The following NECTIN2 variants were observed in gnomAD, a reference collection of about 807,000 sequenced individuals.
The protein encoded by NECTIN2 is nectin-2.
In NECTIN2, 23 loss-of-function variants were observed where a neutral mutation model predicts 56.9. The observed-to-expected ratio is 0.40, with a 90% CI of 0.29 to 0.57. The LOEUF (loss-of-function observed/expected upper bound fraction) is 0.57, where lower values mean the gene tolerates loss of function less well. NECTIN2 is among the 20% of genes least tolerant of loss of function. The pLI, the probability that NECTIN2 is intolerant of heterozygous loss-of-function variation, is 0.38. For missense variants in NECTIN2, 587 were observed against 718.3 expected (o/e 0.82, Z 2.09); for synonymous variants, 302 against 313.8 (o/e 0.96, Z 0.40).
intron 6 of NECTIN2, among the ~76,000 whole-genome samples, chr19:44,884,260 C>T (rs374022782): frequency 5.3e-5 from 8 of 152,172 alleles, no homozygotes; most frequent in African/African-American, 1.7e-4. Flanking sequence ...CTCCTGAGCT[C>T]AACCAATCTT....
chr19:44,882,301 G>A lies in NECTIN2; in HGVS notation c.1133G>A (p.Gly378Asp). The A allele has an allele frequency of 1.3e-6, 2 of 1,560,034 alleles. No homozygotes were observed. Among genetic ancestry groups the A allele is most frequent in the South Asian group, 1.2e-5 (1 of 84,450 alleles). Residue 378 changes from glycine (G) to aspartate (D), a missense_variant, in exon 6 of 9, where the codon GGC becomes GAC. Coordinates refer to ENST00000252483, the MANE Select transcript of NECTIN2 (RefSeq NM_001042724.2). ...AIIATAVAAT[G>D]ILICRQQRKE... ...ATTGCTACTGCTGTGGCTGCCACGG[G>A]CATCCTTATCTGCCGGCAGCAGCGG...
At chr19:44,851,877 A>G (rs1968903056) in intron 1 of NECTIN2, among the ~76,000 whole-genome samples, 1 of 152,098 alleles carries the variant, frequency 6.6e-6, no homozygotes, top group Non-Finnish European at 1.5e-5. Flanking sequence ...TCCACCTGAC[A>G]TGCAGAGCGT....
intron 5 of NECTIN2, chr19:44,878,149 A>C (rs1599924604): frequency 1.3e-4 from 68 of 522,616 alleles, no homozygotes; most frequent in South Asian, 2.9e-4. Context: ...CCACCCCCTC[A>C]CTCCCCAGAG....
rs1244664430 is a variant in NECTIN2 at position 44,875,869 on chromosome 19, A to T, written c.1042+1391A>T. 6.6e-6 allele frequency among the ~76,000 whole-genome samples: 1 copy of T among 152,220 alleles called. No individual in the cohort carries two copies. The highest frequency in any genetic ancestry group is 1.5e-5 in the Non-Finnish European group (1 of 68,036). On this transcript the variant is annotated intron_variant, in intron 5 of 8. Transcript: ENST00000252483. The surrounding 1 kb of genome is among the most constrained non-coding windows in gnomAD (Gnocchi z 4.2). ...CCCTACGGGAAACACTGTCACAGAC[A>T]GCAAACCCAGAGAGACAGCTGTCCC...
intron 2 of NECTIN2, among the ~76,000 whole-genome samples, chr19:44,870,331 T>C (rs894730392): frequency 4.6e-5 from 7 of 151,966 alleles, no homozygotes; most frequent in African/African-American, 1.5e-4. Context: ...TGGGGAGGCT[T>C]GTTGGATGCT....
At chr19:44,863,041 A>G (rs1010022299) in intron 1 of NECTIN2, among the ~76,000 whole-genome samples, 1 of 150,938 alleles carries the variant, frequency 6.6e-6, no homozygotes, top group Non-Finnish European at 1.5e-5. Context: ...GTGCGCCTGT[A>G]ATCCCAGCTA....
At position 44,865,074 on chromosome 19, in the gene NECTIN2, T is replaced by C. The variant is rs1413148974; in HGVS notation, c.89-197T>C. 6.6e-6 allele frequency among the ~76,000 whole-genome samples: 1 copy of C among 152,164 alleles called. No individual in the cohort carries two copies. The highest frequency in any genetic ancestry group is 1.5e-5 in the Non-Finnish European group (1 of 68,024). The stretch of plus-strand genomic sequence containing the variant: ...GAACTCATAGTACACGTTATAGTTG[T>C]ATAATAGAATAGTCATTTTAGTCTT... On this transcript the variant is annotated intron_variant, in intron 1 of 8. Coordinates refer to ENST00000252483, the MANE Select transcript of NECTIN2 (RefSeq NM_001042724.2). This position sits in a 1 kb window ranked among gnomAD's most constrained non-coding sequence, Gnocchi z 5.2.
rs1051039179 is a variant in NECTIN2 at position 44,874,254 on chromosome 19, G to C, written c.894-76G>C. 2 of 1,533,286 alleles carry C rather than the reference G, an allele frequency of 1.3e-6. No individual in the cohort carries two copies. Among genetic ancestry groups the C allele is most frequent in the African/African-American group, 1.4e-5 (1 of 73,092 alleles). The allele number at this position is 1,533,286 out of a possible 1,614,324, so 95.0% of individuals were successfully genotyped here. A position where few individuals can be genotyped will look rare whatever the true frequency, so the allele number is the denominator to read the frequency against. ...GTCCCTGGAGCTTGGCTCCTGGTGG[G>C]TGTATCTTTAGGGATGAGGCCTGTG... On this transcript the variant is annotated intron_variant, in intron 4 of 8. Transcript: ENST00000252483. The surrounding 1 kb of genome is among the most constrained non-coding windows in gnomAD (Gnocchi z 6.3).
intron 5 of NECTIN2, 36 bp from the exon 6 acceptor site, chr19:44,882,174 TC>T: frequency 7.3e-7 from 1 of 1,377,334 alleles, no homozygotes; most frequent in Non-Finnish European, 9.5e-7. Flanking sequence ...TGTGGCTTCC[TC>T]CTGGAGACCC....
At chr19:44,853,244 T>G (rs1232982380) in intron 1 of NECTIN2, among the ~76,000 whole-genome samples, 1 of 152,138 alleles carries the variant, frequency 6.6e-6, no homozygotes, top group Non-Finnish European at 1.5e-5. Flanking sequence ...TCCCCCCAGC[T>G]GGAGTGCAGT....
intron 5 of NECTIN2, among the ~76,000 whole-genome samples, chr19:44,880,537 G>A (rs1439381021): frequency 7.3e-6 from 1 of 136,842 alleles, no homozygotes; most frequent in African/African-American, 2.8e-5. Context: ...ACCCAGGCTG[G>A]AGTGCAGTGG....
intron 5 of NECTIN2, among the ~76,000 whole-genome samples, chr19:44,880,476 T>A (rs1042909856): frequency 1.2e-4 from 8 of 64,692 alleles, no homozygotes; most frequent in Non-Finnish European, 2.3e-4. Flanking sequence ...CTGTCTTGCC[T>A]TTTTTTTTTT....
chr19:44,885,679 T>TACAA (rs1411152734), intron 6 of NECTIN2, among the ~76,000 whole-genome samples: 1 of 152,122 alleles, frequency 6.6e-6, no homozygotes, highest in African/African-American at 2.4e-5. Context: ...ACATTTCAAG[T>TACAA]ACAAATTCAG....
intron 1 of NECTIN2, among the ~76,000 whole-genome samples, chr19:44,859,138 A>T (rs1969003355): frequency 6.6e-6 from 1 of 152,138 alleles, no homozygotes; most frequent in Non-Finnish European, 1.5e-5. Flanking sequence ...TCCATGGCCC[A>T]TCTCCATCAG....
intron 5 of NECTIN2, chr19:44,878,453 C>T (rs1421745522): frequency 6.2e-7 from 1 of 1,605,750 alleles, no homozygotes; most frequent in South Asian, 1.1e-5. Flanking sequence ...CTTCTGGACA[C>T]CAGTAGTCCC....
In NECTIN2 at chr19:44,885,958, C is replaced by T. The variant is rs1969356225; in HGVS notation, c.1218C>T (p.Tyr406=). The T allele has an allele frequency of 6.3e-7, 1 of 1,598,660 alleles. No homozygotes were observed. Among genetic ancestry groups the T allele is most frequent in the Non-Finnish European group, 8.6e-7 (1 of 1,166,058 alleles). The change falls in exon 7 of 9, where the codon TAC becomes TAT. Residue 406 remains tyrosine (Y), a synonymous_variant. Coordinates refer to ENST00000252483, the MANE Select transcript of NECTIN2 (RefSeq NM_001042724.2). ...ACAGCCTGGAGGGACCTCCCTCCTA[C>T]AAGCCACCGACCCCAAAAGCGAAGC... The part of the protein sequence containing the change: ...EDEDLEGPPS[Y]KPPTPKAKLE...
intron 1 of NECTIN2, among the ~76,000 whole-genome samples, chr19:44,850,148 G>C (rs187117194): frequency 3.5e-4 from 54 of 152,244 alleles, no homozygotes; most frequent in South Asian, 8.3e-4. Flanking sequence ...AGTGAGCCCT[G>C]ATTGCACTAC....
At chr19:44,867,401 G>A (rs1052539426) in intron 2 of NECTIN2, among the ~76,000 whole-genome samples, 48 of 152,186 alleles carry the variant, frequency 3.2e-4, no homozygotes, top group African/African-American at 1.2e-3. Flanking sequence ...GACTGAGGTG[G>A]GAGGATCACC....
intron 5 of NECTIN2, chr19:44,878,629 C>G: frequency 5.7e-6 from 9 of 1,575,324 alleles, no homozygotes; most frequent in Non-Finnish European, 7.8e-6. Flanking sequence ...GACCTGGACA[C>G]AGACAGAGAC....
Sources: gnomAD v4.1 joint callset for allele counts (sites outside exome capture counted in the v4.1 genomes callset) on GRCh38, gnomAD v4.1.1 for gene constraint, Gnocchi (gnomAD v3.1) non-coding constraint, MANE v1.5 for transcripts, NCBI Gene and HGNC (gene_info 2026-07-23, HGNC 2026-07-21) for gene names.